Variants in PDE4D observed in about 807,000 individuals in gnomAD.
The protein encoded by PDE4D is phosphodiesterase 4D, also known as 3',5'-cyclic-AMP phosphodiesterase 4D.
A neutral mutation model predicts 87.4 loss-of-function variants in PDE4D; 24 were observed. The observed-to-expected ratio is 0.27, with a 90% confidence interval of 0.20 to 0.39. PDE4D has a LOEUF of 0.39. Ranked by LOEUF, PDE4D falls within the 10% of genes least tolerant of loss-of-function variation. PDE4D has a pLI of 1.00. For missense variants in PDE4D, 714 were observed against 1,041.0 expected, an observed-to-expected ratio of 0.69 and a Z score of 4.32; for synonymous variants, 384 against 383.2, an observed-to-expected ratio of 1.00 and a Z score of -0.02.
At chr5:59,163,329 T>C (rs1781436786) in intron 5 of PDE4D, among the ~76,000 whole-genome samples, 2 of 150,112 alleles carry the variant, frequency 1.3e-5, no homozygotes, top group South Asian at 4.2e-4. Flanking sequence ...TGAAGTGCAA[T>C]GGCGCGATCT....
chr5:60,001,326 A>G (rs1390851016), intron 2 of PDE4D, among the ~76,000 whole-genome samples: 1 of 152,120 alleles, frequency 6.6e-6, no homozygotes, highest in Non-Finnish European at 1.5e-5. Context: ...TGGATAACAA[A>G]TAAATAATAT....
intron 1 of PDE4D, among the ~76,000 whole-genome samples, chr5:59,722,351 C>G (rs1201988694): frequency 6.6e-6 from 1 of 152,122 alleles, no homozygotes; most frequent in Non-Finnish European, 1.5e-5. Flanking sequence ...AGATGAACAA[C>G]CTGAATTTAA....
intron 2 of PDE4D, among the ~76,000 whole-genome samples, chr5:60,100,029 C>T (rs1425040594): frequency 6.6e-6 from 1 of 151,788 alleles, no homozygotes; most frequent in Non-Finnish European, 1.5e-5. Flanking sequence ...TTTAAATAAA[C>T]CATGATATTT....
At chr5:59,111,140 A>G (rs972349315) in intron 5 of PDE4D, among the ~76,000 whole-genome samples, 2 of 151,754 alleles carry the variant, frequency 1.3e-5, no homozygotes, top group East Asian at 1.9e-4. Context: ...TAATCTATAC[A>G]CTTTTCTTGG....
At chr5:60,328,260 G>C (rs1040650202) in intron 1 of PDE4D, among the ~76,000 whole-genome samples, 1 of 152,144 alleles carries the variant, frequency 6.6e-6, no homozygotes, top group Admixed American at 6.6e-5. Flanking sequence ...TCTGGGGAAA[G>C]GAGATTTTAT....
chr5:60,153,076 C>T (rs867697031), intron 2 of PDE4D, among the ~76,000 whole-genome samples: 2 of 152,164 alleles, frequency 1.3e-5, no homozygotes, highest in African/African-American at 4.8e-5. Context: ...GGAAACAACA[C>T]AGTGAAAAGG....
chr5:59,500,448 T>C (rs1046738623), intron 1 of PDE4D, among the ~76,000 whole-genome samples: 3 of 152,198 alleles, frequency 2.0e-5, no homozygotes, highest in African/African-American at 4.8e-5. Flanking sequence ...ATCATGTTCC[T>C]TGCAGCAACA....
chr5:60,057,406 G>A (rs944014136), intron 2 of PDE4D, among the ~76,000 whole-genome samples: 1 of 151,918 alleles, frequency 6.6e-6, no homozygotes, highest in African/African-American at 2.4e-5. Flanking sequence ...AAAATAAAAA[G>A]AGTAATATCT....
chr5:59,489,126 A>G (rs1270818528), intron 1 of PDE4D, among the ~76,000 whole-genome samples: 1 of 152,022 alleles, frequency 6.6e-6, no homozygotes, highest in Non-Finnish European at 1.5e-5. Flanking sequence ...CTCTACTAAA[A>G]ATACAAAAAT....
chr5:59,936,870 C>T (rs1756641571), intron 3 of PDE4D, among the ~76,000 whole-genome samples: 1 of 152,090 alleles, frequency 6.6e-6, no homozygotes, highest in East Asian at 1.9e-4. Flanking sequence ...ATAAGAATGG[C>T]TTAGAAAAAA....
chr5:59,853,321 C>T (rs1295347685), intron 1 of PDE4D, among the ~76,000 whole-genome samples: 2 of 152,018 alleles, frequency 1.3e-5, no homozygotes, highest in South Asian at 2.1e-4. Flanking sequence ...AGAGGCCATA[C>T]AAATTCACAA....
At chr5:59,156,687 C>G (rs1780273556) in intron 5 of PDE4D, among the ~76,000 whole-genome samples, 2 of 151,962 alleles carry the variant, frequency 1.3e-5, no homozygotes, top group South Asian at 4.1e-4. Context: ...AAGAAATCAA[C>G]TTCTGTCTTG....
chr5:59,681,553 C>A (rs1343987852), intron 1 of PDE4D, among the ~76,000 whole-genome samples: 1 of 152,030 alleles, frequency 6.6e-6, no homozygotes, highest in Non-Finnish European at 1.5e-5. Context: ...TGAGAGCATT[C>A]CCTTCATGAA....
chr5:58,997,575 T>C (rs1749517876), intron 6 of PDE4D, among the ~76,000 whole-genome samples: 1 of 152,106 alleles, frequency 6.6e-6, no homozygotes, highest in African/African-American at 2.4e-5. Flanking sequence ...ATTTAGTTTA[T>C]TTTTTTAAGT....
At chr5:59,679,337 C>G (rs914945169) in intron 1 of PDE4D, among the ~76,000 whole-genome samples, 1 of 152,134 alleles carries the variant, frequency 6.6e-6, no homozygotes, top group African/African-American at 2.4e-5. Flanking sequence ...CTTGGTACAA[C>G]AAAACTCTTC....
intron 1 of PDE4D, among the ~76,000 whole-genome samples, chr5:60,441,577 A>G (rs960620278): frequency 6.6e-6 from 1 of 152,216 alleles, no homozygotes; most frequent in African/African-American, 2.4e-5. Context: ...AAAAGCCAAA[A>G]TAGACAAATG....
chr5:59,768,222 T>A, intron 1 of PDE4D: 2 of 1,594,114 alleles, frequency 1.3e-6, no homozygotes, highest in Non-Finnish European at 1.7e-6. Flanking sequence ...GGCCACCATT[T>A]CTGCGAGGTC....
chr5:59,690,526 C>A (rs905525723), intron 1 of PDE4D, among the ~76,000 whole-genome samples: 1 of 152,126 alleles, frequency 6.6e-6, no homozygotes, highest in East Asian at 1.9e-4. Context: ...ATGTAGAAAG[C>A]TGAAACTGGA....
At chr5:59,220,195 G>A (rs1427291643) in intron 1 of PDE4D, among the ~76,000 whole-genome samples, 1 of 151,336 alleles carries the variant, frequency 6.6e-6, no homozygotes, top group Non-Finnish European at 1.5e-5. Context: ...AAATAAACAT[G>A]TTGCTTTTGC....
Sources: gnomAD v4.1 joint callset for allele counts (sites outside exome capture counted in the v4.1 genomes callset) on GRCh38, gnomAD v4.1.1 for gene constraint, MANE v1.5 for transcripts, NCBI Gene and HGNC (gene_info 2026-07-23, HGNC 2026-07-21) for gene names.